Variants in RBPJ observed in about 807,000 individuals in gnomAD.
RBPJ encodes the protein recombining binding protein suppressor of hairless.
A neutral mutation model predicts 67.8 loss-of-function variants in RBPJ; 9 were observed. That is an observed-to-expected ratio of 0.13 (90% CI 0.08 to 0.23). The LOEUF (loss-of-function observed/expected upper bound fraction) is 0.23, where lower values mean the gene tolerates loss of function less well. Ranked by LOEUF, RBPJ falls within the 10% of genes least tolerant of loss-of-function variation. The pLI is 1.00. For synonymous variants in RBPJ, 198 were observed against 203.3 expected (o/e 0.97, Z 0.22); for missense variants, 305 against 595.6 (o/e 0.51, Z 5.08).
chr4:26,370,068 A>G (rs1233580014), intron 1 of RBPJ, among the ~76,000 whole-genome samples: 1 of 152,194 alleles, frequency 6.6e-6, no homozygotes, highest in African/African-American at 2.4e-5. Context: ...TAAATCTTAG[A>G]TCTTAGGAGA....
At chr4:26,212,432 C>CTTTT (rs370447105) in intron 1 of RBPJ, among the ~76,000 whole-genome samples, 87 of 112,218 alleles carry the variant, frequency 7.8e-4, no homozygotes, top group East Asian at 1.2e-3. Flanking sequence ...CTTTTCTTTT[C>CTTTT]TTTTTTTTTT....
chr4:26,301,219 T>C (rs540313403), intron 1 of RBPJ, among the ~76,000 whole-genome samples: 1 of 152,328 alleles, frequency 6.6e-6, no homozygotes, highest in South Asian at 2.1e-4. Flanking sequence ...CCAGTTGTTA[T>C]GAACTAAGAT....
chr4:26,152,481 G>A, the RBPJ span, among the ~76,000 whole-genome samples: 1 of 152,194 alleles, frequency 6.6e-6, no homozygotes, highest in African/African-American at 2.4e-5. Context: ...TCCCATAACT[G>A]GTACATAGTA....
chr4:26,233,665 T>C (rs542023655), intron 1 of RBPJ, among the ~76,000 whole-genome samples: 2 of 152,166 alleles, frequency 1.3e-5, no homozygotes, highest in Non-Finnish European at 2.9e-5. Flanking sequence ...CAAAATAAAA[T>C]CAGAGCAAAT....
At chr4:26,279,074 A>G (rs1721173179) in intron 1 of RBPJ, among the ~76,000 whole-genome samples, 3 of 152,218 alleles carry the variant, frequency 2.0e-5, no homozygotes, top group Admixed American at 2.0e-4. Flanking sequence ...ACTAAATAAG[A>G]TAATACACAT....
intron 1 of RBPJ, among the ~76,000 whole-genome samples, chr4:26,309,854 A>T (rs907070799): frequency 1.3e-5 from 2 of 152,196 alleles, no homozygotes; most frequent in Non-Finnish European, 2.9e-5. Flanking sequence ...AAAAGAACAA[A>T]TCTATCAATC....
upstream of RBPJ, among the ~76,000 whole-genome samples, chr4:26,316,404 T>C (rs1468427070): frequency 7.1e-6 from 1 of 140,724 alleles, no homozygotes; most frequent in Non-Finnish European, 1.5e-5. Flanking sequence ...TATACATTCA[T>C]ATATATACAT....
At chr4:26,147,535 G>A in the RBPJ span, among the ~76,000 whole-genome samples, 1 of 152,342 alleles carries the variant, frequency 6.6e-6, no homozygotes, top group African/African-American at 2.4e-5. Context: ...AGTTGCAAAG[G>A]AAGCTGGGAA....
At chr4:26,111,653 T>G in the RBPJ span, among the ~76,000 whole-genome samples, 1 of 152,164 alleles carries the variant, frequency 6.6e-6, no homozygotes, top group African/African-American at 2.4e-5. Context: ...TGGCCTCTGG[T>G]CGCACATGAC....
At position 26,334,076 on chromosome 4, in the gene RBPJ, C is replaced by T. The variant is rs545504626; in HGVS notation, c.20+13028C>T. ...TTTTTTTTTTGATGGAGTCTCGCTC[C>T]GTCGCCCAGGCTGGAGCGCAGTGAT... On this transcript the variant is annotated intron_variant, in intron 1 of 10. Transcript: ENST00000355476. Among the ~76,000 whole-genome samples, 47 of 150,824 alleles carry T rather than the reference C, an allele frequency of 3.1e-4. No homozygotes were observed. The South Asian group carries it at 6.6e-3, about 21-fold the overall frequency.
In RBPJ at chr4:26,304,489, A is replaced by T. The variant is rs28844579; in HGVS notation, c.-166-57957A>T. Among the ~76,000 whole-genome samples the T allele has an allele frequency of 7.4e-3, 1,121 of 152,174 alleles. 11 individuals carry two copies. The highest frequency in any genetic ancestry group is 0.025 in the African/African-American group (1,052 of 41,504). ...TGTATGAGGGTTTCAATTTTCCACAACCTTGTCAACATTTGTCATTATCTG... is the reference window on the plus strand; with the variant it reads ...TGTATGAGGGTTTCAATTTTCCACATCCTTGTCAACATTTGTCATTATCTG... On this transcript the variant is annotated intron_variant, in intron 1 of 4. Transcript: ENST00000512351.
At chr4:26,117,543 AAAAC>A in the RBPJ span, among the ~76,000 whole-genome samples, 3 of 152,202 alleles carry the variant, frequency 2.0e-5, no homozygotes, top group South Asian at 2.1e-4. Context: ...TGACAAGCAG[AAAAC>A]AAACAGATGA....
rs59188746 is a variant in RBPJ at position 26,428,954 on chromosome 4, A to G, written c.888+94A>G. ...GAAATTTTCATTTGCTGTTAATTAT[A>G]TACAAATACATGAAGCTATACACAG... On this transcript the variant is annotated intron_variant, in intron 8 of 10. Transcript: ENST00000355476. The G allele has an allele frequency of 3.4e-3, 3,030 of 893,794 alleles. 79 individuals carry two copies. The African/African-American group carries it at 0.045, about 13-fold the overall frequency. The allele number at this position is 893,794 out of a possible 1,614,324, so 55.4% of individuals were successfully genotyped here. A position where few individuals can be genotyped will look rare whatever the true frequency, so the allele number is the denominator to read the frequency against.
At chr4:26,235,213 C>A (rs1719417801) in intron 1 of RBPJ, among the ~76,000 whole-genome samples, 1 of 152,128 alleles carries the variant, frequency 6.6e-6, no homozygotes, top group Non-Finnish European at 1.5e-5. Context: ...TAACCTTTGG[C>A]AATGTTAATG....
chr4:26,173,528 C>G (rs534766084), intron 1 of RBPJ, among the ~76,000 whole-genome samples: 63 of 152,258 alleles, frequency 4.1e-4, no homozygotes, highest in Non-Finnish European at 7.8e-4. Flanking sequence ...AGCTGAAAAC[C>G]AACACTGACC....
chr4:26,358,598 A>G (rs1408017209), intron 1 of RBPJ, among the ~76,000 whole-genome samples: 1 of 123,820 alleles, frequency 8.1e-6, no homozygotes, highest in Non-Finnish European at 1.6e-5. Context: ...GCATAGCAAG[A>G]CCCCATCTCT....
In RBPJ at chr4:26,394,713, C is replaced by T. The variant is rs114703647; in HGVS notation, c.59+8322C>T. Among the ~76,000 whole-genome samples, 1,299 of 152,146 alleles carry T rather than the reference C, an allele frequency of 8.5e-3. 17 individuals are homozygous for T. Among genetic ancestry groups the T allele is most frequent in the African/African-American group, 0.029 (1,204 of 41,498 alleles). ...CTTTTTTTAAAAAAGAGATATTATT[C>T]GACTTAATACTCTGTTGTACTAAGT... On this transcript the variant is annotated intron_variant, in intron 2 of 10. Coordinates refer to ENST00000355476, the MANE Select transcript of RBPJ (RefSeq NM_015874.6).
intron 1 of RBPJ, among the ~76,000 whole-genome samples, chr4:26,361,757 G>A (rs1024820109): frequency 6.6e-6 from 1 of 152,106 alleles, no homozygotes; most frequent in African/African-American, 2.4e-5. Context: ...TGAATTCTTA[G>A]TAGATTTAAA....
At chr4:26,180,192 G>C (rs1292858114) in intron 1 of RBPJ, among the ~76,000 whole-genome samples, 4 of 152,108 alleles carry the variant, frequency 2.6e-5, no homozygotes, top group Non-Finnish European at 5.9e-5. Flanking sequence ...GGCGGGAGAA[G>C]GGGGAGGATC....
Sources: allele counts gnomAD v4.1 joint callset (sites outside exome capture counted in the v4.1 genomes callset), GRCh38; gene constraint gnomAD v4.1.1; transcripts MANE v1.5; gene names NCBI Gene and HGNC (gene_info 2026-07-23, HGNC 2026-07-21).